SCN9A: variants seen among roughly 807,000 people sequenced by gnomAD.
The protein encoded by SCN9A is sodium channel protein type 9 subunit alpha.
In SCN9A, 131 loss-of-function variants were observed where a neutral mutation model predicts 187.0. That is an observed-to-expected ratio of 0.70 (90% confidence interval 0.61 to 0.81). The LOEUF is 0.81. SCN9A is among the 30% of genes least tolerant of loss of function. SCN9A has a pLI of 0.00. For synonymous variants in SCN9A, 809 were observed against 808.6 expected (o/e 1.00, Z -0.01); for missense variants, 2,252 against 2,396.6 (o/e 0.94, Z 1.26).
In SCN9A at chr2:166,311,585, G is replaced by A. The variant is rs759604608; in HGVS notation, c.172C>T (p.Gln58Ter). 6 of 1,613,278 alleles carry A rather than the reference G, an allele frequency of 3.7e-6. No individual in the cohort carries two copies. The highest frequency in any genetic ancestry group is 2.2e-5 in the East Asian group (1 of 44,792). Reference protein sequence around the residue: ...KPSSDLEAGKQLPFIYGDIPP... With the variant: ...KPSSDLEAGK ...ATGTCCCCATAGATGAAGGGCAGCT[G>A]TTTGCCAGCTTCCAAGTCACTGCTT... The change falls in exon 2 of 27, where the codon CAG (glutamine) becomes TAG (stop). Residue 58 changes from glutamine (Q) to a stop codon, truncating the protein, a stop_gained. Transcript: ENST00000642356. LOFTEE classifies it high-confidence loss of function.
chr2:166,269,584 T>C (rs576617262), intron 17 of SCN9A, among the ~76,000 whole-genome samples: 1 of 152,200 alleles, frequency 6.6e-6, no homozygotes, highest in East Asian at 1.9e-4. Flanking sequence ...TCTAGCTTTA[T>C]AACTGTGAAT....
rs764662077 is a variant in SCN9A, at chr2:166,293,225, A to G, written c.1107+6T>C. The G allele has an allele frequency of 6.3e-7, 1 of 1,576,534 alleles. No individual in the cohort carries two copies. The highest frequency in any genetic ancestry group is 8.6e-7 in the Non-Finnish European group (1 of 1,158,868). On this transcript the variant is annotated splice_donor_region_variant and intron_variant, in intron 9 of 26. Transcript: ENST00000642356. ...AAATACAATGCATGTTTCTCTTGGT[A>G]CTCACCTGTTGGTAAAGGTTTTCCC...
At position 166,281,708 on chromosome 2, in the gene SCN9A, C is replaced by T; in HGVS notation, c.2075G>A (p.Arg692Lys). The T allele has an allele frequency of 6.2e-7, 1 of 1,613,260 alleles. No homozygotes were observed. The highest frequency in any genetic ancestry group is 8.5e-7 in the Non-Finnish European group (1 of 1,179,492). Residue 692 changes from arginine to lysine, a missense_variant, in exon 13 of 27, where the codon AGA becomes AAA. Arg to Lys is a conservative substitution (Grantham distance 26). Around this residue, in one of 7 missense-constraint regions of SCN9A, gnomAD observed 1,013 missense variants for 997.4 expected, o/e 1.02. Coordinates refer to ENST00000642356, the MANE Select transcript of SCN9A (RefSeq NM_001365536.1). ...DPNLRQRAMS[R>K]ASILTNTVEE... ...CACAGTGTTTGTTAATATGCTTGCT[C>T]TACTCATTGCTCTCTGTCTGAGGTT... is the stretch of plus-strand genomic sequence containing the variant.
Position 166,300,645 on chromosome 2 carries a change from G to A in SCN9A, c.901+2445C>T, listed in dbSNP as rs777754762. 4.7e-5 allele frequency among the ~76,000 whole-genome samples: 7 copies of A among 150,426 alleles called. 1 individual carries two copies. Among genetic ancestry groups the A allele is most frequent in the African/African-American group, 1.5e-4 (6 of 39,966 alleles). ...AGCTCAGGGAAACCATGTAATAAACGCACCAATAAATGAAAGTTTGAATCA... is the reference window on the plus strand; with the variant it reads ...AGCTCAGGGAAACCATGTAATAAACACACCAATAAATGAAAGTTTGAATCA... On this transcript the variant is annotated intron_variant, in intron 7 of 26. Coordinates refer to ENST00000642356, the MANE Select transcript of SCN9A (RefSeq NM_001365536.1).
At chr2:166,202,934 T>G (rs954265313) in intron 26 of SCN9A, among the ~76,000 whole-genome samples, 11 of 151,786 alleles carry the variant, frequency 7.2e-5, no homozygotes, top group African/African-American at 2.7e-4. Context: ...TGTTTTTATA[T>G]ATGTACCTCT....
intron 18 of SCN9A, among the ~76,000 whole-genome samples, chr2:166,244,208 A>G (rs1421465849): frequency 6.6e-6 from 1 of 152,050 alleles, no homozygotes; most frequent in Non-Finnish European, 1.5e-5. Context: ...ACCTGTCTAG[A>G]AAAGAATTCT....
At chr2:166,347,393 G>C (rs1397283314) in intron 1 of SCN9A, among the ~76,000 whole-genome samples, 1 of 152,186 alleles carries the variant, frequency 6.6e-6, no homozygotes, top group Non-Finnish European at 1.5e-5. Context: ...GAGGGTTCAT[G>C]AATCATTGCT....
At chr2:166,311,922 T>G in intron 1 of SCN9A, 116 bp from the exon 2 acceptor site, 1 of 562,950 alleles carries the variant, frequency 1.8e-6, no homozygotes, top group Non-Finnish European at 2.9e-6. Context: ...AGGTAACATG[T>G]TCTAGAATTA....
At position 166,276,970 on chromosome 2, in the gene SCN9A, T is replaced by C; in HGVS notation, c.2874+13A>G. The C allele has an allele frequency of 6.4e-7, 1 of 1,568,222 alleles. No individual in the cohort carries two copies. The highest frequency in any genetic ancestry group is 8.6e-7 in the Non-Finnish European group (1 of 1,164,758). On this transcript the variant is annotated intron_variant, in intron 16 of 26. Transcript: ENST00000642356. ...ACAGAGAAATTAAAATGCATGAACA[T>C]CTGGTTACATACCACCAGGTTTCCA...
At chr2:166,290,675 A>T (rs1698022102) in intron 9 of SCN9A, among the ~76,000 whole-genome samples, 1 of 151,928 alleles carries the variant, frequency 6.6e-6, no homozygotes. Context: ...ACTGATGTTG[A>T]GCTTTTTTTC....
At chr2:166,243,163 C>G (rs1695640154) in intron 18 of SCN9A, among the ~76,000 whole-genome samples, 1 of 151,996 alleles carries the variant, frequency 6.6e-6, no homozygotes, top group African/African-American at 2.4e-5. Context: ...TTAGAAGATC[C>G]AGATGAAACT....
chr2:166,358,255 A>G (rs1401425491), intron 1 of SCN9A, among the ~76,000 whole-genome samples: 2 of 151,756 alleles, frequency 1.3e-5, no homozygotes, highest in Non-Finnish European at 2.9e-5. Context: ...CCTTTAGTAG[A>G]GACAGGTTTT....
rs116613372 is a variant in SCN9A at position 166,221,805 on chromosome 2, G to T, written c.4398+4762C>A. The stretch of plus-strand genomic sequence containing the variant: ...CCAATGAAACAGGATAGAGAGCCCA[G>T]AAATAAACCCATGCATAAATAGTTA... On this transcript the variant is annotated intron_variant, in intron 24 of 26. Transcript: ENST00000642356. Among the ~76,000 whole-genome samples the T allele has an allele frequency of 8.8e-3, 1,336 of 152,114 alleles. 17 individuals are homozygous for T. Among genetic ancestry groups the T allele is most frequent in the African/African-American group, 0.03 (1,263 of 41,502 alleles).
At chr2:166,353,667 C>T (rs1700091527) in intron 1 of SCN9A, among the ~76,000 whole-genome samples, 1 of 152,144 alleles carries the variant, frequency 6.6e-6, no homozygotes, top group Non-Finnish European at 1.5e-5. Context: ...ATGAAAAGAT[C>T]TGACTTCGCC....
At chr2:166,333,562 A>G (rs758660161) in intron 1 of SCN9A, among the ~76,000 whole-genome samples, 1 of 152,114 alleles carries the variant, frequency 6.6e-6, no homozygotes, top group Non-Finnish European at 1.5e-5. Flanking sequence ...ACTTCTGAAC[A>G]TGTATTGACT....
chr2:166,288,461 A>C lies in SCN9A; in HGVS notation c.1290T>G (p.Leu430=), dbSNP rs760594616. The change falls in exon 10 of 27, where the codon CTT becomes CTG. Residue 430 remains leucine, a synonymous_variant. Coordinates refer to ENST00000642356, the MANE Select transcript of SCN9A (RefSeq NM_001365536.1). ...CCTCAGCTTCTTCTTGCTCTTTTTTAAGACGGTCTAACATCTGTTGAAATT... is the reference window on the plus strand; with the variant it reads ...CCTCAGCTTCTTCTTGCTCTTTTTTCAGACGGTCTAACATCTGTTGAAATT... ...ELEFQQMLDR[L]KKEQEEAEAI... 3.7e-6 allele frequency: 6 copies of C among 1,610,536 alleles called. No homozygotes were observed. The highest frequency in any genetic ancestry group is 5.1e-6 in the Non-Finnish European group (6 of 1,177,792).
Position 166,288,597 on chromosome 2 carries a change from A to C in SCN9A, c.1154T>G (p.Val385Gly), listed in dbSNP as rs202159091. The C allele has an allele frequency of 1.4e-5, 23 of 1,611,790 alleles. No homozygotes were observed. Among genetic ancestry groups the C allele is most frequent in the Non-Finnish European group, 1.6e-5 (19 of 1,178,516 alleles). Residue 385 changes from valine (V) to glycine (G), a missense_variant, in exon 10 of 27, where the codon GTG becomes GGG. Physicochemically the swap from Val to Gly is moderately radical, Grantham distance 109 (BLOSUM62 -3). Transcript: ENST00000642356. ...GKTYMIFFVV[V>G]IFLGSFYLIN... ...TAGATAAAAGGAGCCCAGGAAAATC[A>C]CTACGACAAAGAAGATCATGTAGGT... is the stretch of plus-strand genomic sequence containing the variant.
At position 166,294,202 on chromosome 2, in the gene SCN9A, A is replaced by T. The variant is rs558296930; in HGVS notation, c.965+397T>A. On this transcript the variant is annotated intron_variant, in intron 8 of 26. Transcript: ENST00000642356. The stretch of plus-strand genomic sequence containing the variant: ...TTAGAGTGGCCAAAACATGACATTC[A>T]GTCACCTATGAGTCACATTTAATTG... Among the ~76,000 whole-genome samples, 7 of 152,352 alleles carry T rather than the reference A, an allele frequency of 4.6e-5. No individual in the cohort carries two copies. The South Asian group carries it at 1.4e-3, about 32-fold the overall frequency.
At chr2:166,280,325 T>C in intron 14 of SCN9A, 32 bp downstream of exon 14, 1 of 1,182,650 alleles carries the variant, frequency 8.5e-7, no homozygotes, top group Non-Finnish European at 1.2e-6. Context: ...AAAGAGAAAC[T>C]ATGAGTACAT....
Sources: allele counts gnomAD v4.1 joint callset (sites outside exome capture counted in the v4.1 genomes callset), GRCh38; gene constraint gnomAD v4.1.1; regional missense constraint gnomAD v4.1.1; transcripts MANE v1.5; gene names NCBI Gene and HGNC (gene_info 2026-07-23, HGNC 2026-07-21).